The following LAPTM4B variants were observed in gnomAD, a reference collection of about 807,000 sequenced individuals.
The protein encoded by LAPTM4B is lysosomal-associated transmembrane protein 4B.
Under a neutral mutation model 28.5 loss-of-function variants are expected in LAPTM4B, and 26 were observed. The observed-to-expected ratio is 0.91, with a 90% CI of 0.67 to 1.27. The LOEUF is 1.27. Among genes scored for constraint, LAPTM4B ranks in the 50% most tolerant of loss-of-function variants. The probability of loss-of-function intolerance (pLI) is 0.00; values close to 1 mark genes in which losing one functional copy is unlikely to be tolerated. For missense variants in LAPTM4B, 288 were observed against 285.8 expected (o/e 1.01, Z -0.06); for synonymous variants, 109 against 106.4 (o/e 1.02, Z -0.15).
intron 6 of LAPTM4B, among the ~76,000 whole-genome samples, chr8:97,834,762 A>G (rs575470318): frequency 4.6e-5 from 7 of 152,290 alleles, no homozygotes; most frequent in African/African-American, 1.7e-4. Flanking sequence ...CTGGTATGAC[A>G]AGATGCTCTA....
chr8:97,804,666 G>A (rs145473596), intron 1 of LAPTM4B, among the ~76,000 whole-genome samples: 2 of 152,158 alleles, frequency 1.3e-5, no homozygotes, highest in African/African-American at 4.8e-5. Flanking sequence ...ATTATTAATA[G>A]CGAGGCCATT....
intron 1 of LAPTM4B, among the ~76,000 whole-genome samples, chr8:97,790,063 A>G (rs2129738661): frequency 6.6e-6 from 1 of 152,338 alleles, no homozygotes; most frequent in South Asian, 2.1e-4. Context: ...TTATGGCTGA[A>G]TAGTACTCCA....
At chr8:97,793,010 A>G (rs984336321) in intron 1 of LAPTM4B, among the ~76,000 whole-genome samples, 1 of 150,490 alleles carries the variant, frequency 6.6e-6, no homozygotes, top group Non-Finnish European at 1.5e-5. Context: ...AGGATACAAC[A>G]GATTTGAAAA....
intron 1 of LAPTM4B, among the ~76,000 whole-genome samples, chr8:97,787,790 C>CT (rs1217454143): frequency 1.3e-5 from 2 of 152,048 alleles, no homozygotes; most frequent in Non-Finnish European, 2.9e-5. Context: ...TCCATTACTC[C>CT]TTTTTTCTTT....
rs115518299 is a variant in LAPTM4B, at chr8:97,850,862, C to T, written c.604-535C>T. Among the ~76,000 whole-genome samples, 466 of 150,198 alleles carry T rather than the reference C, an allele frequency of 3.1e-3. 18 individuals are homozygous for T. The highest frequency in any genetic ancestry group is 0.011 in the African/African-American group (442 of 40,224). ...ATTCCATTTTCTACTCCAAGAAAGC[C>T]GAAATCAGCCAGTGTATAGACCGCC... On this transcript the variant is annotated intron_variant, in intron 6 of 6. Coordinates refer to ENST00000521545, the MANE Select transcript of LAPTM4B (RefSeq NM_018407.6).
intron 6 of LAPTM4B, among the ~76,000 whole-genome samples, chr8:97,829,312 A>T (rs905785314): frequency 2.0e-5 from 3 of 152,126 alleles, no homozygotes; most frequent in African/African-American, 7.2e-5. Flanking sequence ...TGAACGGGGG[A>T]GGGTAGCCAA....
At chr8:97,818,882 A>G (rs1816962187) in intron 4 of LAPTM4B, among the ~76,000 whole-genome samples, 1 of 151,930 alleles carries the variant, frequency 6.6e-6, no homozygotes, top group Non-Finnish European at 1.5e-5. Flanking sequence ...AAAAAAAAAA[A>G]AAAAGGAATG....
At chr8:97,776,146 T>C (rs887510153) in intron 1 of LAPTM4B, 38 bp downstream of exon 1, 5 of 1,499,134 alleles carry the variant, frequency 3.3e-6, no homozygotes, top group African/African-American at 1.4e-5. Context: ...CCTGCGTTGC[T>C]TCCGCGCCCC....
chr8:97,823,555 A>G (rs1213923409), intron 5 of LAPTM4B, among the ~76,000 whole-genome samples: 2 of 150,432 alleles, frequency 1.3e-5, no homozygotes, highest in Non-Finnish European at 3.0e-5. Context: ...TTGTATTTTT[A>G]GTGGAGACGG....
chr8:97,809,746 C>A (rs1816800073), intron 2 of LAPTM4B, among the ~76,000 whole-genome samples: 2 of 152,038 alleles, frequency 1.3e-5, no homozygotes, highest in African/African-American at 2.4e-5. Flanking sequence ...ATCTTGATAT[C>A]TTTTTACATT....
intron 5 of LAPTM4B, among the ~76,000 whole-genome samples, chr8:97,819,556 AGT>A (rs1451720727): frequency 6.6e-6 from 1 of 152,144 alleles, no homozygotes; most frequent in African/African-American, 2.4e-5. Flanking sequence ...TTTTGCTAAA[AGT>A]GTAATATTTT....
At chr8:97,822,114 A>G (rs1817013211) in intron 5 of LAPTM4B, among the ~76,000 whole-genome samples, 1 of 151,996 alleles carries the variant, frequency 6.6e-6, no homozygotes. Flanking sequence ...TTGGCCCCAC[A>G]TGTTGTCCTC....
intron 1 of LAPTM4B, among the ~76,000 whole-genome samples, chr8:97,777,353 G>A (rs1433070103): frequency 2.6e-5 from 4 of 151,636 alleles, no homozygotes. Context: ...TCACCATGTT[G>A]GCCAGGCTGG....
Position 97,815,416 on chromosome 8 carries a change from G to C in LAPTM4B, c.285+15G>C. 1 of 1,587,728 alleles carries C rather than the reference G, an allele frequency of 6.3e-7. No individual in the cohort carries two copies. Among genetic ancestry groups the C allele is most frequent in the Non-Finnish European group, 8.7e-7 (1 of 1,155,888 alleles). On this transcript the variant is annotated intron_variant, in intron 3 of 6. Transcript: ENST00000521545. ...GAGCGTACAAGGTAAGCCGCTTGCA[G>C]TAAGATGCTGGCCTTTTCCTTGGTC...
At chr8:97,800,482 C>CTTTTTTTTTTTTTTTTTTTTTTT (rs1491359240) in intron 1 of LAPTM4B, among the ~76,000 whole-genome samples, 1 of 116,956 alleles carries the variant, frequency 8.6e-6, no homozygotes, top group African/African-American at 4.3e-5. Context: ...ACCCCTTGAC[C>CTTTTTTTTTTTTTTTTTTTTTTT]TCTTTTTTTT....
Position 97,776,124 on chromosome 8 carries a change from C to T in LAPTM4B, c.99+16C>T. The T allele has an allele frequency of 6.7e-7, 1 of 1,491,004 alleles. No homozygotes were observed. Among genetic ancestry groups the T allele is most frequent in the Non-Finnish European group, 9.1e-7 (1 of 1,101,286 alleles). The allele number at this position is 1,491,004 out of a possible 1,614,324, so 92.4% of individuals were successfully genotyped here. A position where few individuals can be genotyped will look rare whatever the true frequency, so the allele number is the denominator to read the frequency against. On this transcript the variant is annotated intron_variant, in intron 1 of 6. Transcript: ENST00000521545. Reference sequence around the variant, plus strand: ...CTGGTATCTGGTGAGCGCGGCGCGCCCGGCCCGGGACCCTGCGTTGCTTCC... The same window carrying T: ...CTGGTATCTGGTGAGCGCGGCGCGCTCGGCCCGGGACCCTGCGTTGCTTCC...
At chr8:97,822,966 C>T (rs912092028) in intron 5 of LAPTM4B, among the ~76,000 whole-genome samples, 10 of 151,912 alleles carry the variant, frequency 6.6e-5, no homozygotes, top group Non-Finnish European at 1.3e-4. Flanking sequence ...CTCAGCCTCC[C>T]GAGTAGTTGG....
At chr8:97,834,160 C>G (rs963510574) in intron 6 of LAPTM4B, among the ~76,000 whole-genome samples, 1 of 62,256 alleles carries the variant, frequency 1.6e-5, no homozygotes, top group African/African-American at 5.3e-5. Context: ...AAAAAAAAAT[C>G]CAGGTGGCAT....
At chr8:97,805,043 T>G (rs1293539100) in intron 1 of LAPTM4B, among the ~76,000 whole-genome samples, 1 of 152,244 alleles carries the variant, frequency 6.6e-6, no homozygotes, top group Non-Finnish European at 1.5e-5. Context: ...GCGCCAGGGC[T>G]GATGCCTGTG....
Sources: gnomAD v4.1 joint callset for allele counts (sites outside exome capture counted in the v4.1 genomes callset) on GRCh38, gnomAD v4.1.1 for gene constraint, MANE v1.5 for transcripts, NCBI Gene and HGNC (gene_info 2026-07-23, HGNC 2026-07-21) for gene names.